TASP1: variants seen among roughly 807,000 people sequenced by gnomAD.
TASP1 encodes taspase 1.
TASP1 carries 16 observed loss-of-function variants against 56.6 expected under a neutral mutation model. The ratio of observed to expected loss-of-function variants is 0.28; its 90% CI spans 0.19 to 0.43. TASP1 has a LOEUF of 0.43. TASP1 is among the 20% of genes least tolerant of loss of function. The pLI is 1.00. For missense variants in TASP1, 393 were observed against 511.6 expected (o/e 0.77, Z 2.24); for synonymous variants, 179 against 184.2 (o/e 0.97, Z 0.23).
chr20:13,306,202 G>C, the TASP1 span, among the ~76,000 whole-genome samples: 2 of 152,234 alleles, frequency 1.3e-5, no homozygotes, highest in African/African-American at 2.4e-5. Flanking sequence ...TCAGCCAATT[G>C]CTTCAAGAAT....
rs746592295 is a variant in TASP1 at position 13,390,460 on chromosome 20, G to A, written c.1171-8C>T. On this transcript the variant is annotated splice_polypyrimidine_tract_variant and splice_region_variant and intron_variant, in intron 13 of 13. Transcript: ENST00000337743. ...AAGTCTTGAAATGTGAGTCTGCAGA[G>A]AGAGAGAGACAGCAGAGCATCAGAG... 2.3e-5 allele frequency: 37 copies of A among 1,612,444 alleles called. No individual in the cohort carries two copies. Among genetic ancestry groups the A allele is most frequent in the East Asian group, 1.6e-4 (7 of 44,814 alleles).
chr20:13,196,781 G>T, the TASP1 span, among the ~76,000 whole-genome samples: 1 of 151,612 alleles, frequency 6.6e-6, no homozygotes. Context: ...TACATACATG[G>T]CCCATGTTTA....
intron 8 of TASP1, among the ~76,000 whole-genome samples, chr20:13,557,396 T>C (rs2046194882): frequency 6.6e-6 from 1 of 152,064 alleles, no homozygotes; most frequent in African/African-American, 2.4e-5. Flanking sequence ...AAAAAGCATT[T>C]ACTGTAATAA....
At chr20:13,481,166 T>A (rs1228887852) in intron 11 of TASP1, among the ~76,000 whole-genome samples, 4 of 152,160 alleles carry the variant, frequency 2.6e-5, no homozygotes, top group Admixed American at 1.3e-4. Flanking sequence ...AGTGAGAACA[T>A]GTGATATTTG....
chr20:13,227,150 C>T, the TASP1 span, among the ~76,000 whole-genome samples: 1 of 152,016 alleles, frequency 6.6e-6, no homozygotes, highest in Admixed American at 6.6e-5. Flanking sequence ...GTTTGGGTGT[C>T]TTTTCCAACC....
rs192371269 is a variant in TASP1 at position 13,638,353 on chromosome 20, C to T, written c.-75+541G>A. On this transcript the variant is annotated intron_variant, in intron 1 of 13. Transcript: ENST00000337743. ...CCCTCGATTTCCAGGACATCTCTAG[C>T]TCCTGCTTTCCCCCCCTCCTCTCCA... Among the ~76,000 whole-genome samples, 8 of 152,138 alleles carry T rather than the reference C, an allele frequency of 5.3e-5. No individual in the cohort carries two copies. The East Asian group carries it at 1.4e-3, about 26-fold the overall frequency.
chr20:13,311,247 A>AGATAGATGATAGATAGAT, the TASP1 span, among the ~76,000 whole-genome samples: 4 of 116,294 alleles, frequency 3.4e-5, no homozygotes, highest in African/African-American at 1.1e-4. Flanking sequence ...GATAGATGAT[A>AGATAGATGATAGATAGAT]GATAGATAGA....
chr20:13,308,578 C>T, the TASP1 span, among the ~76,000 whole-genome samples: 32,661 of 151,914 alleles, frequency 0.21, 3,762 homozygotes, highest in East Asian at 0.28. Context: ...AAATTGTCCA[C>T]CAACAGAGGA....
rs879507088 is a variant in TASP1 at position 13,588,242 on chromosome 20, AAAGGAAGAAAGGAAGG to A, written c.283-888_283-873del. On this transcript the variant is annotated intron_variant, in intron 4 of 13. Coordinates refer to ENST00000337743, the MANE Select transcript of TASP1 (RefSeq NM_017714.3). ...AATTAGACAAAAAGGAGAAAGAAAG[AAAGGAAGAAAGGAAGG>A]AAGGAAGGAAGGAAGGAAGGAAGGA... Among the ~76,000 whole-genome samples, 837 of 130,836 alleles carry A rather than the reference AAAGGAAGAAAGGAAGG, an allele frequency of 6.4e-3. 8 individuals carry two copies. The highest frequency in any genetic ancestry group is 0.023 in the African/African-American group (769 of 33,818). 85.8% of individuals were successfully genotyped at this position (130,836 alleles called of 152,430 possible).
chr20:13,358,324 C>T, the TASP1 span, among the ~76,000 whole-genome samples: 34 of 152,198 alleles, frequency 2.2e-4, no homozygotes, highest in Non-Finnish European at 3.1e-4. Flanking sequence ...CACACGGACG[C>T]GCATGAAATT....
At chr20:13,462,547 C>T (rs1298039003) in intron 11 of TASP1, among the ~76,000 whole-genome samples, 1 of 152,160 alleles carries the variant, frequency 6.6e-6, no homozygotes, top group Non-Finnish European at 1.5e-5. Context: ...TCTTGCCCCA[C>T]ACCCAGCAGT....
intron 11 of TASP1, among the ~76,000 whole-genome samples, chr20:13,470,857 C>G (rs191592695): frequency 3.2e-4 from 49 of 152,268 alleles, no homozygotes; most frequent in Non-Finnish European, 5.9e-4. Context: ...AATGCCTAAC[C>G]CCAAAAGCTT....
At chr20:13,262,000 C>G in the TASP1 span, among the ~76,000 whole-genome samples, 2 of 152,160 alleles carry the variant, frequency 1.3e-5, no homozygotes, top group Non-Finnish European at 2.9e-5. Flanking sequence ...GTTCGACACC[C>G]GTTCCCTCTG....
chr20:13,375,973 T>C, the TASP1 span, among the ~76,000 whole-genome samples: 8 of 152,172 alleles, frequency 5.3e-5, no homozygotes, highest in Admixed American at 5.2e-4. Context: ...TTCTGGATAT[T>C]AGCCCTTTGT....
chr20:13,297,413 C>T, the TASP1 span, among the ~76,000 whole-genome samples: 15 of 152,312 alleles, frequency 9.8e-5, no homozygotes, highest in African/African-American at 3.4e-4. Context: ...TTCTCTAATT[C>T]CCCTGCTCCC....
At chr20:13,323,127 A>G in the TASP1 span, among the ~76,000 whole-genome samples, 2 of 152,280 alleles carry the variant, frequency 1.3e-5, no homozygotes, top group Admixed American at 1.3e-4. Flanking sequence ...TCAGACCACA[A>G]CATGGAATAG....
intron 10 of TASP1, among the ~76,000 whole-genome samples, chr20:13,520,983 C>G (rs1402118933): frequency 1.3e-5 from 2 of 152,138 alleles, no homozygotes; most frequent in African/African-American, 4.8e-5. Flanking sequence ...AGACACTTCT[C>G]AAAAGAAGAC....
intron 12 of TASP1, among the ~76,000 whole-genome samples, chr20:13,420,066 T>C (rs1474956): frequency 0.53 from 79,945 of 151,996 alleles, 23,155 homozygotes; most frequent in Non-Finnish European, 0.65. Flanking sequence ...ATTTCTAAAA[T>C]TGCACCTTTT....
intron 5 of TASP1, among the ~76,000 whole-genome samples, chr20:13,584,183 T>C (rs1255647129): frequency 6.6e-6 from 1 of 152,192 alleles, no homozygotes; most frequent in Non-Finnish European, 1.5e-5. Flanking sequence ...CAATTAACTA[T>C]GTAGGAACAA....
Sources: gnomAD v4.1 joint callset for allele counts (sites outside exome capture counted in the v4.1 genomes callset) on GRCh38, gnomAD v4.1.1 for gene constraint, MANE v1.5 for transcripts, NCBI Gene and HGNC (gene_info 2026-07-23, HGNC 2026-07-21) for gene names.